Variants in AKAP10 observed in about 807,000 individuals in gnomAD.
AKAP10 encodes A-kinase anchoring protein 10, also known as A-kinase anchor protein 10, mitochondrial.
In AKAP10, 24 loss-of-function variants were observed where a neutral mutation model predicts 80.8. The ratio of observed to expected loss-of-function variants is 0.30; its 90% CI spans 0.22 to 0.42. The LOEUF (loss-of-function observed/expected upper bound fraction) is 0.42. Among genes scored for constraint, AKAP10 ranks in the 10% least tolerant of loss-of-function variants. The pLI, the probability that AKAP10 is intolerant of heterozygous loss-of-function variation, is 1.00. For synonymous variants in AKAP10, 291 were observed against 277.7 expected, an observed-to-expected ratio of 1.05 and a Z score of -0.48; for missense variants, 661 against 794.9, an observed-to-expected ratio of 0.83 and a Z score of 2.03.
intron 3 of AKAP10, 37 bp downstream of exon 3, chr17:19,962,803 T>C: frequency 6.3e-7 from 1 of 1,591,832 alleles, no homozygotes; most frequent in South Asian, 1.1e-5. Context: ...ACTCAAATCC[T>C]TCTAATACAA....
intron 10 of AKAP10, among the ~76,000 whole-genome samples, chr17:19,931,130 T>C (rs1435850350): frequency 6.6e-6 from 1 of 151,884 alleles, no homozygotes; most frequent in Admixed American, 6.6e-5. Flanking sequence ...GGAGACCCTG[T>C]CTCAAGAAAA....
chr17:19,972,780 A>G (rs1166108932), intron 1 of AKAP10, among the ~76,000 whole-genome samples: 2 of 152,160 alleles, frequency 1.3e-5, no homozygotes, highest in Non-Finnish European at 1.5e-5. Context: ...AACGTAGTCA[A>G]ATTTACACAA....
At chr17:19,925,933 C>G (rs2042871257) in intron 10 of AKAP10, among the ~76,000 whole-genome samples, 1 of 152,142 alleles carries the variant, frequency 6.6e-6, no homozygotes, top group Admixed American at 6.6e-5. Flanking sequence ...GGCATAAAGA[C>G]AGACATACAG....
chr17:19,961,122 G>A lies in AKAP10; in HGVS notation c.319+1718C>T, dbSNP rs1012667643. 6.7e-5 allele frequency among the ~76,000 whole-genome samples: 10 copies of A among 150,038 alleles called. No individual in the cohort carries two copies. The East Asian group carries it at 1.4e-3, about 21-fold the overall frequency. On this transcript the variant is annotated intron_variant, in intron 3 of 14. Coordinates refer to ENST00000225737, the MANE Select transcript of AKAP10 (RefSeq NM_007202.4). ...TTTGGGAGGCCTACGCAAGTGGATC[G>A]CTTGATTCCAGGAGTTTGAGACCAG...
intron 14 of AKAP10, 27 bp downstream of exon 14, chr17:19,909,154 G>A: frequency 1.9e-6 from 3 of 1,559,356 alleles, no homozygotes; most frequent in Non-Finnish European, 1.7e-6. Context: ...ATACTTTTTA[G>A]TTTACACAAA....
intron 10 of AKAP10, among the ~76,000 whole-genome samples, chr17:19,925,790 A>G (rs1243635702): frequency 6.6e-6 from 1 of 152,182 alleles, no homozygotes; most frequent in Non-Finnish European, 1.5e-5. Context: ...AAAAAGAAAG[A>G]GGGACCAGAA....
chr17:19,934,822 G>A (rs1178876443), intron 9 of AKAP10, among the ~76,000 whole-genome samples: 2 of 152,146 alleles, frequency 1.3e-5, no homozygotes. Context: ...AGAACAGCCT[G>A]GCCAAAATGG....
chr17:19,916,943 T>A (rs550487665), intron 12 of AKAP10, among the ~76,000 whole-genome samples: 55 of 124,716 alleles, frequency 4.4e-4, no homozygotes, highest in South Asian at 4.0e-3. Flanking sequence ...TCTCAAAAAA[T>A]AAATAAATAA....
At chr17:19,927,072 C>T (rs1275575216) in intron 10 of AKAP10, among the ~76,000 whole-genome samples, 1 of 152,166 alleles carries the variant, frequency 6.6e-6, no homozygotes, top group Non-Finnish European at 1.5e-5. Flanking sequence ...GCGTGTGGCT[C>T]ACACCTGTAA....
intron 8 of AKAP10, 85 bp from the exon 9 acceptor site, chr17:19,936,515 C>G: frequency 7.5e-7 from 1 of 1,335,788 alleles, no homozygotes; most frequent in Non-Finnish European, 1.0e-6. Context: ...GAATCTTATA[C>G]AAGGCTACTT....
At chr17:19,920,867 A>AC (rs1445899453) in intron 11 of AKAP10, among the ~76,000 whole-genome samples, 1 of 147,034 alleles carries the variant, frequency 6.8e-6, no homozygotes, top group African/African-American at 2.6e-5. Flanking sequence ...AAAAAAAAAA[A>AC]AAAAAAAAAA....
At chr17:19,944,116 TCTCA>T (rs1334653972) in intron 5 of AKAP10, among the ~76,000 whole-genome samples, 1 of 151,998 alleles carries the variant, frequency 6.6e-6, no homozygotes, top group Non-Finnish European at 1.5e-5. Context: ...TTCCATCATC[TCTCA>T]CATCTTTCAA....
At chr17:19,910,847 G>A (rs1275398204) in intron 12 of AKAP10, among the ~76,000 whole-genome samples, 1 of 152,120 alleles carries the variant, frequency 6.6e-6, no homozygotes, top group Admixed American at 6.6e-5. Flanking sequence ...GCCAGAGTAC[G>A]CCTTAACTCC....
At chr17:19,955,606 G>A (rs1322822299) in intron 4 of AKAP10, among the ~76,000 whole-genome samples, 7 of 152,218 alleles carry the variant, frequency 4.6e-5, no homozygotes, top group Admixed American at 4.6e-4. Flanking sequence ...GGAGGCTGAG[G>A]TGGGCAGATC....
At chr17:19,923,778 G>A (rs1372545602) in intron 11 of AKAP10, among the ~76,000 whole-genome samples, 7 of 152,032 alleles carry the variant, frequency 4.6e-5, no homozygotes, top group South Asian at 2.1e-4. Context: ...CGCCCACCTC[G>A]GCCTCCCAAA....
intron 7 of AKAP10, among the ~76,000 whole-genome samples, chr17:19,940,529 A>G (rs925170163): frequency 2.0e-5 from 3 of 152,224 alleles, no homozygotes; most frequent in African/African-American, 7.2e-5. Context: ...GATGAGCATA[A>G]GAAAAAATTT....
At chr17:19,953,966 A>T (rs928405705) in intron 4 of AKAP10, among the ~76,000 whole-genome samples, 2 of 152,134 alleles carry the variant, frequency 1.3e-5, no homozygotes, top group Non-Finnish European at 2.9e-5. Context: ...TGGGAGGCAG[A>T]GGTTGCAGTA....
intron 1 of AKAP10, among the ~76,000 whole-genome samples, chr17:19,975,121 G>A (rs1478051700): frequency 1.3e-5 from 2 of 152,072 alleles, no homozygotes; most frequent in Non-Finnish European, 2.9e-5. Context: ...CCACCTCCTA[G>A]GCTCAAGTGA....
chr17:19,922,717 G>A lies in AKAP10; in HGVS notation c.1751+1691C>T, dbSNP rs150682074. Among the ~76,000 whole-genome samples the A allele has an allele frequency of 2.7e-3, 413 of 152,168 alleles. 15 individuals are homozygous for A. The East Asian group carries it at 0.074, about 27-fold the overall frequency. ...AGATTGAGACCATCCTGGCTAACAC[G>A]GTGAAACCCCATCTCTACTAAAAAT... On this transcript the variant is annotated intron_variant, in intron 11 of 14. Coordinates refer to ENST00000225737, the MANE Select transcript of AKAP10 (RefSeq NM_007202.4).
Sources: gnomAD v4.1 joint callset for allele counts (sites outside exome capture counted in the v4.1 genomes callset) on GRCh38, gnomAD v4.1.1 for gene constraint, MANE v1.5 for transcripts, NCBI Gene and HGNC (gene_info 2026-07-23, HGNC 2026-07-21) for gene names.